Variants in SCN3A observed in about 807,000 individuals in gnomAD.
SCN3A encodes sodium channel protein type 3 subunit alpha.
A neutral mutation model predicts 187.6 loss-of-function variants in SCN3A; 60 were observed. The observed-to-expected ratio is 0.32, with a 90% CI of 0.26 to 0.40. SCN3A has a LOEUF of 0.40. Among genes scored for constraint, SCN3A ranks in the 10% least tolerant of loss-of-function variants. The pLI is 1.00. For synonymous variants in SCN3A, 788 were observed against 829.2 expected (o/e 0.95, Z 0.85); for missense variants, 1,601 against 2,428.2 (o/e 0.66, Z 7.16).
chr2:165,147,070 C>A (rs774550402), intron 11 of SCN3A, 41 bp from the exon 12 acceptor site: 7 of 1,610,904 alleles, frequency 4.3e-6, no homozygotes. Flanking sequence ...GAACACAGAG[C>A]TTTGAAAACA....
chr2:165,174,772 G>A (rs1318096560), intron 3 of SCN3A, among the ~76,000 whole-genome samples: 1 of 151,996 alleles, frequency 6.6e-6, no homozygotes, highest in Non-Finnish European at 1.5e-5. Flanking sequence ...CAATTCTATA[G>A]TAAATTGTTG....
intron 1 of SCN3A, among the ~76,000 whole-genome samples, chr2:165,202,629 A>G (rs1692391523): frequency 6.6e-6 from 1 of 151,998 alleles, no homozygotes; most frequent in African/African-American, 2.4e-5. Flanking sequence ...AGATGTCAAT[A>G]TTTTTCAACA....
chr2:165,198,972 A>G (rs114376808), intron 1 of SCN3A, among the ~76,000 whole-genome samples: 33 of 152,154 alleles, frequency 2.2e-4, no homozygotes, highest in African/African-American at 7.9e-4. Flanking sequence ...CTTATGCAAG[A>G]ATATGTTGGA....
intron 7 of SCN3A, 103 bp downstream of exon 7, chr2:165,163,515 G>A: frequency 7.6e-7 from 1 of 1,315,906 alleles, no homozygotes; most frequent in Non-Finnish European, 1.1e-6. Context: ...TATTTAACGG[G>A]ATGAACTGTA....
At chr2:165,185,367 T>C (rs938661808) in intron 2 of SCN3A, among the ~76,000 whole-genome samples, 5 of 152,180 alleles carry the variant, frequency 3.3e-5, no homozygotes, top group African/African-American at 1.2e-4. Context: ...CCCTTGCCCA[T>C]CTTTGTTTAA....
chr2:165,160,838 G>A (rs934235031), intron 9 of SCN3A, among the ~76,000 whole-genome samples: 3 of 151,930 alleles, frequency 2.0e-5, no homozygotes, highest in African/African-American at 4.8e-5. Flanking sequence ...ACAAGGTTTC[G>A]CCATGTTGGC....
intron 12 of SCN3A, among the ~76,000 whole-genome samples, chr2:165,145,748 GATTAA>G (rs1181414216): frequency 1.3e-5 from 2 of 151,676 alleles, no homozygotes; most frequent in African/African-American, 4.8e-5. Flanking sequence ...TGCAGTTTTT[GATTAA>G]ATTAATCTTA....
intron 3 of SCN3A, among the ~76,000 whole-genome samples, chr2:165,172,125 T>C (rs1345259365): frequency 6.6e-6 from 1 of 152,160 alleles, no homozygotes; most frequent in East Asian, 1.9e-4. Context: ...CATTGCTCTT[T>C]TGTATTTAAG....
At position 165,139,820 on chromosome 2, in the gene SCN3A, G is replaced by A; in HGVS notation, c.2020-212C>T. Reference sequence around the variant, plus strand: ...CTCTTTAAGAGGAATTCACCAGTGGGATGCAGTTTTATAACACAATTATAT... The same window carrying A: ...CTCTTTAAGAGGAATTCACCAGTGGAATGCAGTTTTATAACACAATTATAT... On this transcript the variant is annotated intron_variant, in intron 13 of 27. Transcript: ENST00000283254. 3 of 557,464 alleles carry A rather than the reference G, an allele frequency of 5.4e-6. No homozygotes were observed. The South Asian group carries it at 6.3e-5, about 12-fold the overall frequency. 34.5% of individuals were successfully genotyped at this position (557,464 alleles called of 1,614,324 possible). A position where few individuals can be genotyped will look rare whatever the true frequency, so the allele number is the denominator to read the frequency against.
intron 6 of SCN3A, 30 bp downstream of exon 6, chr2:165,164,362 T>C: frequency 1.2e-6 from 2 of 1,613,530 alleles, no homozygotes; most frequent in East Asian, 2.2e-5. Flanking sequence ...TTCACTCCTT[T>C]GCGCTTATCA....
In SCN3A at chr2:165,158,354, T is replaced by C. The variant is rs1369096099; in HGVS notation, c.1032-2451A>G. ...GTCATTTCATATTTTGCAATACATG[T>C]ATATATTTTTGTCACATATTCCATT... On this transcript the variant is annotated intron_variant, in intron 9 of 27. Coordinates refer to ENST00000283254, the MANE Select transcript of SCN3A (RefSeq NM_006922.4). Among the ~76,000 whole-genome samples, 12 of 137,914 alleles carry C rather than the reference T, an allele frequency of 8.7e-5. 1 individual carries two copies. Among genetic ancestry groups the C allele is most frequent in the Non-Finnish European group, 1.4e-4 (9 of 66,596 alleles). The allele number at this position is 137,914 out of a possible 152,430, so 90.5% of individuals were successfully genotyped here.
chr2:165,121,561 T>C (rs1035824785), intron 18 of SCN3A, among the ~76,000 whole-genome samples: 1 of 152,230 alleles, frequency 6.6e-6, no homozygotes, highest in Admixed American at 6.5e-5. Flanking sequence ...CTATTTTCCA[T>C]TGATAATTTT....
intron 21 of SCN3A, among the ~76,000 whole-genome samples, 160 bp from the exon 22 acceptor site, chr2:165,100,584 C>T (rs1685558526): frequency 1.3e-5 from 2 of 152,094 alleles, no homozygotes; most frequent in Admixed American, 6.6e-5. Flanking sequence ...TTGCCAGTCT[C>T]ATCTCATACT....
At chr2:165,141,754 T>C (rs1431603006) in intron 12 of SCN3A, among the ~76,000 whole-genome samples, 2 of 152,198 alleles carry the variant, frequency 1.3e-5, no homozygotes, top group African/African-American at 4.8e-5. Flanking sequence ...ATTACTCTTC[T>C]TGTGTAAAAT....
intron 9 of SCN3A, among the ~76,000 whole-genome samples, chr2:165,159,743 T>C (rs1188139034): frequency 7.4e-6 from 1 of 134,392 alleles, no homozygotes; most frequent in Non-Finnish European, 1.5e-5. Context: ...CTTTTCATTC[T>C]CTTAAGAATA....
chr2:165,104,881 A>G (rs1249634436), intron 21 of SCN3A, among the ~76,000 whole-genome samples: 2 of 152,210 alleles, frequency 1.3e-5, no homozygotes, highest in African/African-American at 4.8e-5. Context: ...CTGAAGTTCA[A>G]CTAGAAGAAA....
chr2:165,092,395 G>A lies in SCN3A; in HGVS notation c.4666C>T (p.Leu1556=). ...ACTAGGTTGATCCGGGACAAAACTA[G>A]GGTCATGTATTTGCCCTGGTCATCC... ...ETDDQGKYMT[L]VLSRINLVFI... is the part of the protein sequence containing the mutation. Residue 1556 remains leucine (L), a synonymous_variant, in exon 27 of 28, where the codon CTA becomes TTA. Transcript: ENST00000283254. The surrounding 1 kb of genome is among the most constrained non-coding windows in gnomAD (Gnocchi z 4.2). 1 of 1,613,970 alleles carries A rather than the reference G, an allele frequency of 6.2e-7. No homozygotes were observed. The highest frequency in any genetic ancestry group is 1.3e-5 in the African/African-American group (1 of 75,016).
intron 12 of SCN3A, among the ~76,000 whole-genome samples, chr2:165,146,421 T>C (rs1530140): frequency 7.1e-6 from 1 of 141,528 alleles, no homozygotes; most frequent in Non-Finnish European, 1.5e-5. Context: ...TGTGTGTGTA[T>C]AGACACATAT....
At chr2:165,143,398 C>A (rs925035695) in intron 12 of SCN3A, among the ~76,000 whole-genome samples, 2 of 152,082 alleles carry the variant, frequency 1.3e-5, no homozygotes, top group African/African-American at 4.8e-5. Context: ...CTGGGACATG[C>A]CTTTAATTTG....
Sources: gnomAD v4.1 joint callset for allele counts (sites outside exome capture counted in the v4.1 genomes callset) on GRCh38, gnomAD v4.1.1 for gene constraint, Gnocchi (gnomAD v3.1) non-coding constraint, MANE v1.5 for transcripts, NCBI Gene and HGNC (gene_info 2026-07-23, HGNC 2026-07-21) for gene names.